Variants in TRHDE observed in about 807,000 individuals in gnomAD.
The protein encoded by TRHDE is thyrotropin-releasing hormone-degrading ectoenzyme.
Under a neutral mutation model 125.7 loss-of-function variants are expected in TRHDE, and 72 were observed. The ratio of observed to expected loss-of-function variants is 0.57; its 90% CI spans 0.47 to 0.70. The LOEUF (loss-of-function observed/expected upper bound fraction) is 0.70, where lower values mean the gene tolerates loss of function less well. TRHDE is among the 30% of genes least tolerant of loss of function. The pLI, the probability that TRHDE is intolerant of heterozygous loss-of-function variation, is 0.00. For missense variants in TRHDE, 1,110 were observed against 1,327.1 expected, an observed-to-expected ratio of 0.84 and a Z score of 2.54; for synonymous variants, 509 against 509.1, an observed-to-expected ratio of 1.00 and a Z score of 0.00.
At chr12:72,114,321 A>G (rs1157555093) in intron 2 of TRHDE, among the ~76,000 whole-genome samples, 2 of 152,140 alleles carry the variant, frequency 1.3e-5, no homozygotes, top group East Asian at 3.8e-4. Flanking sequence ...ATCCATGTAT[A>G]ACTTTTGACT....
chr12:72,577,870 A>G (rs1871069100), intron 12 of TRHDE, among the ~76,000 whole-genome samples: 1 of 152,182 alleles, frequency 6.6e-6, no homozygotes. Flanking sequence ...TTCACCAGAA[A>G]AACATGGAAT....
rs2135902046 is a variant in TRHDE at position 72,473,103 on chromosome 12, G to A, written c.1507G>A (p.Asp503Asn). Residue 503 changes from aspartate to asparagine, a missense_variant, in exon 5 of 19, where the codon GAC becomes AAC. Asp to Asn is a conservative substitution (Grantham distance 23). Coordinates refer to ENST00000261180, the MANE Select transcript of TRHDE (RefSeq NM_013381.3). ...GDLVTPVWWEDVWLKEGFAHY... is the reference protein window; with the variant it reads ...GDLVTPVWWENVWLKEGFAHY... ...CCTTGTGACGCCTGTGTGGTGGGAAGACGTGTGGCTGAAGGAAGGGTTTGC... is the reference window on the plus strand; with the variant it reads ...CCTTGTGACGCCTGTGTGGTGGGAAAACGTGTGGCTGAAGGAAGGGTTTGC... 1 of 1,614,040 alleles carries A rather than the reference G, an allele frequency of 6.2e-7. No homozygotes were observed. Among genetic ancestry groups the A allele is most frequent in the Non-Finnish European group, 8.5e-7 (1 of 1,179,928 alleles).
chr12:72,615,080 CTTTTA>C (rs1872766686), intron 12 of TRHDE, among the ~76,000 whole-genome samples: 1 of 152,042 alleles, frequency 6.6e-6, no homozygotes, highest in Non-Finnish European at 1.5e-5. Flanking sequence ...TATGGACAAT[CTTTTA>C]TTTATTTTTG....
At chr12:72,498,838 C>G (rs1243360878) in intron 5 of TRHDE, among the ~76,000 whole-genome samples, 2 of 152,036 alleles carry the variant, frequency 1.3e-5, no homozygotes, top group Non-Finnish European at 2.9e-5. Context: ...TTATTAATAC[C>G]TATTGATCTC....
At chr12:72,308,363 A>T (rs1868388745) in intron 2 of TRHDE, among the ~76,000 whole-genome samples, 1 of 152,130 alleles carries the variant, frequency 6.6e-6, no homozygotes. Flanking sequence ...TTTTTACATC[A>T]GTGGATGTGT....
chr12:72,112,520 G>A (rs1006918595), intron 2 of TRHDE, among the ~76,000 whole-genome samples: 6 of 152,070 alleles, frequency 3.9e-5, no homozygotes, highest in African/African-American at 1.4e-4. Context: ...CACACAGTAG[G>A]TACCACCTAT....
chr12:72,608,290 G>A (rs576047885), intron 12 of TRHDE, among the ~76,000 whole-genome samples: 11 of 152,132 alleles, frequency 7.2e-5, no homozygotes, highest in South Asian at 4.2e-4. Flanking sequence ...CCTATACAAC[G>A]TTGAGATGGA....
At chr12:72,410,145 G>A (rs1452874063) in intron 3 of TRHDE, among the ~76,000 whole-genome samples, 1 of 151,712 alleles carries the variant, frequency 6.6e-6, no homozygotes, top group Admixed American at 6.6e-5. Context: ...TCATGTCAAT[G>A]GTTTTGACAG....
chr12:72,245,877 T>C (rs1196483847), intron 2 of TRHDE, among the ~76,000 whole-genome samples: 1 of 152,136 alleles, frequency 6.6e-6, no homozygotes, highest in Non-Finnish European at 1.5e-5. Context: ...CATACACCTA[T>C]ATTTAGTCAA....
At chr12:72,483,392 T>A (rs974503860) in intron 5 of TRHDE, among the ~76,000 whole-genome samples, 1 of 152,020 alleles carries the variant, frequency 6.6e-6, no homozygotes, top group African/African-American at 2.4e-5. Context: ...AAAATATGTA[T>A]GAAATCCCCA....
At chr12:72,508,401 G>A (rs1878444343) in intron 6 of TRHDE, among the ~76,000 whole-genome samples, 1 of 152,204 alleles carries the variant, frequency 6.6e-6, no homozygotes, top group Non-Finnish European at 1.5e-5. Context: ...GGATTAGTGT[G>A]AGCTGGATGT....
At chr12:72,546,066 G>C (rs977005123) in intron 7 of TRHDE, among the ~76,000 whole-genome samples, 2 of 151,590 alleles carry the variant, frequency 1.3e-5, no homozygotes, top group African/African-American at 4.8e-5. Flanking sequence ...AGCTACCACG[G>C]TGGCTCAGTG....
Position 72,122,158 on chromosome 12 carries a change from AT to A in TRHDE, n.279+16409del. ...TTGCCCCTTGTTTTTGTTCTCCCCC[AT>A]TTCAAACCCATATTTTCTTCTGTGC... On this transcript the variant is annotated intron_variant and non_coding_transcript_variant, in intron 2 of 4. Coordinates refer to the TRHDE transcript ENST00000548156. Among the ~76,000 whole-genome samples, 3 of 152,034 alleles carry A rather than the reference AT, an allele frequency of 2.0e-5. No homozygotes were observed. The Middle Eastern group carries it at 0.01, about 517-fold the overall frequency.
intron 2 of TRHDE, among the ~76,000 whole-genome samples, chr12:72,141,859 C>T (rs539621481): frequency 2.5e-3 from 378 of 152,240 alleles, no homozygotes; most frequent in African/African-American, 8.8e-3. Flanking sequence ...CCCCTACCCA[C>T]TAGAAATGAC....
At chr12:72,598,883 C>T (rs927070920) in intron 12 of TRHDE, among the ~76,000 whole-genome samples, 16 of 151,740 alleles carry the variant, frequency 1.1e-4, no homozygotes, top group Non-Finnish European at 1.8e-4. Context: ...CCCTTCGTCC[C>T]TCCCTTACCC....
At chr12:72,295,965 A>C (rs1565687884) in intron 2 of TRHDE, among the ~76,000 whole-genome samples, 1 of 152,336 alleles carries the variant, frequency 6.6e-6, no homozygotes, top group East Asian at 1.9e-4. Context: ...TACCCTAGGA[A>C]GTGATAGTCA....
intron 12 of TRHDE, among the ~76,000 whole-genome samples, chr12:72,607,147 G>T (rs1872478607): frequency 6.6e-6 from 1 of 152,056 alleles, no homozygotes; most frequent in South Asian, 2.1e-4. Context: ...TAGTGAGGAA[G>T]GTTGTTTGTC....
intron 2 of TRHDE, among the ~76,000 whole-genome samples, chr12:72,323,360 G>A (rs930185862): frequency 5.9e-5 from 9 of 152,138 alleles, no homozygotes; most frequent in African/African-American, 2.2e-4. Context: ...TCTCCACTTT[G>A]TGTTGTTCCT....
intron 2 of TRHDE, among the ~76,000 whole-genome samples, chr12:72,235,364 GA>G (rs1450215761): frequency 6.6e-6 from 1 of 152,114 alleles, no homozygotes; most frequent in Admixed American, 6.5e-5. Context: ...TTTCACAAGT[GA>G]AAAAACTGAG....
Sources: allele counts gnomAD v4.1 joint callset (sites outside exome capture counted in the v4.1 genomes callset), GRCh38; gene constraint gnomAD v4.1.1; transcripts MANE v1.5; gene names NCBI Gene and HGNC (gene_info 2026-07-23, HGNC 2026-07-21).